Variants in RIMS2 observed in about 807,000 individuals in gnomAD.
The protein encoded by RIMS2 is regulating synaptic membrane exocytosis 2.
In RIMS2, 59 loss-of-function variants were observed where a neutral mutation model predicts 174.4. That is an observed-to-expected ratio of 0.34 (90% CI 0.27 to 0.42). RIMS2 has a LOEUF of 0.42. Ranked by LOEUF, RIMS2 falls within the 10% of genes least tolerant of loss-of-function variation. The probability of loss-of-function intolerance (pLI) is 1.00; values close to 1 mark genes in which losing one functional copy is unlikely to be tolerated. For synonymous variants in RIMS2, 606 were observed against 572.5 expected, an observed-to-expected ratio of 1.06 and a Z score of -0.84; for missense variants, 1,620 against 1,666.3, an observed-to-expected ratio of 0.97 and a Z score of 0.48.
chr8:103,842,617 T>TA (rs1554879174), intron 3 of RIMS2, among the ~76,000 whole-genome samples: 1 of 152,260 alleles, frequency 6.6e-6, no homozygotes, highest in Non-Finnish European at 1.5e-5. Flanking sequence ...GACTTATGTG[T>TA]AATTGCTTTC....
intron 12 of RIMS2, among the ~76,000 whole-genome samples, chr8:103,934,844 C>T (rs1290207965): frequency 6.6e-6 from 1 of 151,998 alleles, no homozygotes; most frequent in Non-Finnish European, 1.5e-5. Flanking sequence ...ATTACAGGCA[C>T]CTGCCACCGT....
At chr8:103,868,425 A>T (rs1322860407) in intron 3 of RIMS2, among the ~76,000 whole-genome samples, 1 of 151,928 alleles carries the variant, frequency 6.6e-6, no homozygotes, top group Non-Finnish European at 1.5e-5. Context: ...TTTTTCCTTT[A>T]TGGTTCCTGA....
intron 19 of RIMS2, among the ~76,000 whole-genome samples, chr8:104,188,246 G>GATAT (rs2098979371): frequency 7.0e-6 from 1 of 143,116 alleles, no homozygotes; most frequent in Non-Finnish European, 1.5e-5. Flanking sequence ...TAGATAGATA[G>GATAT]ATAGATAGAT....
chr8:104,163,633 A>G (rs1387247789), intron 19 of RIMS2, among the ~76,000 whole-genome samples: 1 of 152,156 alleles, frequency 6.6e-6, no homozygotes, highest in East Asian at 1.9e-4. Context: ...GTAACCTAGG[A>G]TATGCTTGGG....
intron 15 of RIMS2, among the ~76,000 whole-genome samples, chr8:103,969,764 T>G (rs2092635551): frequency 6.6e-6 from 1 of 152,210 alleles, no homozygotes; most frequent in East Asian, 1.9e-4. Context: ...TTTCTTTTTT[T>G]TTAGACAGGG....
chr8:104,223,292 C>T, intron 19 of RIMS2: 1 of 860,792 alleles, frequency 1.2e-6, no homozygotes, highest in Non-Finnish European at 1.4e-6. Flanking sequence ...TGGCGGGGAC[C>T]GCAGCATCAG....
At chr8:104,248,932 T>TCTCTCTCC in intron 21 of RIMS2, 119 bp downstream of exon 27, 1 of 493,548 alleles carries the variant, frequency 2.0e-6, no homozygotes. Context: ...TCTCTCCCTC[T>TCTCTCTCC]ATTTTTTTTT....
intron 3 of RIMS2, among the ~76,000 whole-genome samples, chr8:103,783,796 CTGGGTCAAATGGTA>C (rs1391379603): frequency 2.0e-5 from 3 of 150,388 alleles, no homozygotes; most frequent in Non-Finnish European, 4.5e-5. Context: ...AATGGGATGG[CTGGGTCAAATGGTA>C]TTTCCAGTTC....
At chr8:104,036,447 G>C (rs1020573936) in intron 19 of RIMS2, among the ~76,000 whole-genome samples, 1 of 151,050 alleles carries the variant, frequency 6.6e-6, no homozygotes. Flanking sequence ...CACACCACCC[G>C]GTCTGGAAAT....
chr8:104,070,468 A>G (rs1394395447), intron 19 of RIMS2, among the ~76,000 whole-genome samples: 1 of 152,226 alleles, frequency 6.6e-6, no homozygotes, highest in Admixed American at 6.5e-5. Context: ...AAATAATTCT[A>G]TAATGCTATA....
chr8:104,046,145 A>G (rs1359212162), intron 19 of RIMS2, among the ~76,000 whole-genome samples: 1 of 152,058 alleles, frequency 6.6e-6, no homozygotes, highest in Non-Finnish European at 1.5e-5. Flanking sequence ...GGGGACTGGA[A>G]AGTCTAAGTA....
intron 1 of RIMS2, among the ~76,000 whole-genome samples, chr8:103,696,048 T>C (rs1193060183): frequency 6.6e-6 from 1 of 152,192 alleles, no homozygotes; most frequent in African/African-American, 2.4e-5. Flanking sequence ...TCCCTTCAAA[T>C]ATTTCCTTCA....
Position 103,745,193 on chromosome 8 carries a change from C to T in RIMS2, c.388-21034C>T, listed in dbSNP as rs138610643. 6.2e-3 allele frequency among the ~76,000 whole-genome samples: 938 copies of T among 152,318 alleles called. 12 individuals carry two copies. Among genetic ancestry groups the T allele is most frequent in the African/African-American group, 0.021 (888 of 41,574 alleles). On this transcript the variant is annotated intron_variant, in intron 2 of 23. Transcript: ENST00000504942. Reference sequence around the variant, plus strand: ...CATTAGTAGTCACTCCCTTACTTCCCTATACCCCTGCAATCACTAATCTAC... The same window carrying T: ...CATTAGTAGTCACTCCCTTACTTCCTTATACCCCTGCAATCACTAATCTAC...
intron 17 of RIMS2, chr8:103,998,192 C>G: frequency 6.2e-7 from 1 of 1,603,398 alleles, no homozygotes; most frequent in Non-Finnish European, 8.5e-7. Context: ...CAGTCATTTT[C>G]TTACTCTACC....
chr8:103,505,690 T>C (rs1391851667), intron 1 of RIMS2, among the ~76,000 whole-genome samples: 1 of 152,216 alleles, frequency 6.6e-6, no homozygotes, highest in Non-Finnish European at 1.5e-5. Flanking sequence ...AAATTTACTT[T>C]TGTAGAGGAA....
At chr8:104,156,402 A>T (rs552506339) in intron 19 of RIMS2, among the ~76,000 whole-genome samples, 91 of 152,296 alleles carry the variant, frequency 6.0e-4, no homozygotes, top group African/African-American at 2.1e-3. Flanking sequence ...ACATTGGGAA[A>T]TTTATAGCCT....
At chr8:103,667,642 G>C (rs989798022) in intron 1 of RIMS2, among the ~76,000 whole-genome samples, 4 of 152,208 alleles carry the variant, frequency 2.6e-5, no homozygotes, top group African/African-American at 7.2e-5. Context: ...CTTCATGAGT[G>C]CACACAAACC....
At chr8:103,589,566 A>C (rs2094144841) in intron 1 of RIMS2, among the ~76,000 whole-genome samples, 1 of 151,524 alleles carries the variant, frequency 6.6e-6, no homozygotes. Flanking sequence ...GATACAGTAC[A>C]CCCACTGCTG....
At chr8:103,570,996 G>T (rs951147764) in intron 1 of RIMS2, among the ~76,000 whole-genome samples, 4 of 152,050 alleles carry the variant, frequency 2.6e-5, no homozygotes, top group Admixed American at 6.5e-5. Context: ...GACTGTTCTT[G>T]TACTGTCCTA....
Sources: allele counts gnomAD v4.1 joint callset (sites outside exome capture counted in the v4.1 genomes callset), GRCh38; gene constraint gnomAD v4.1.1; transcripts MANE v1.5; gene names NCBI Gene and HGNC (gene_info 2026-07-23, HGNC 2026-07-21).